The following RAB11FIP4 variants were observed in gnomAD, a reference collection of about 807,000 sequenced individuals.
RAB11FIP4 encodes RAB11 family interacting protein 4.
In RAB11FIP4, 23 loss-of-function variants were observed where a neutral mutation model predicts 74.3. The observed-to-expected ratio is 0.31, with a 90% confidence interval of 0.22 to 0.44. The LOEUF (loss-of-function observed/expected upper bound fraction) is 0.44. Ranked by LOEUF, RAB11FIP4 falls within the 20% of genes least tolerant of loss-of-function variation. The pLI, the probability that RAB11FIP4 is intolerant of heterozygous loss-of-function variation, is 1.00. For missense variants in RAB11FIP4, 630 were observed against 863.9 expected (o/e 0.73, Z 3.39); for synonymous variants, 360 against 359.9 (o/e 1.00, Z 0.00).
intron 3 of RAB11FIP4, among the ~76,000 whole-genome samples, chr17:31,453,520 G>T (rs1253413001): frequency 6.6e-6 from 1 of 151,992 alleles, no homozygotes; most frequent in Non-Finnish European, 1.5e-5. Flanking sequence ...CTAGATGGAG[G>T]TTGTAACTCG....
intron 4 of RAB11FIP4, chr17:31,518,861 T>A (rs1240451036): frequency 1.3e-5 from 2 of 152,444 alleles, no homozygotes; most frequent in Non-Finnish European, 2.9e-5. Flanking sequence ...TGAGACAGAC[T>A]CTCACTCTGT....
chr17:31,419,772 G>A (rs560439756), intron 1 of RAB11FIP4, among the ~76,000 whole-genome samples: 1 of 152,070 alleles, frequency 6.6e-6, no homozygotes, highest in East Asian at 1.9e-4. Flanking sequence ...GGATGGTCTC[G>A]ATCTCCTGAT....
intron 11 of RAB11FIP4, 117 bp from the exon 12 acceptor site, chr17:31,528,289 T>G (rs976708044): frequency 4.3e-6 from 5 of 1,174,646 alleles, no homozygotes; most frequent in Non-Finnish European, 5.9e-6. Context: ...CTAAGGGAGC[T>G]GGTTTCACTG....
intron 3 of RAB11FIP4, among the ~76,000 whole-genome samples, chr17:31,505,254 GT>G (rs979704753): frequency 2.7e-5 from 4 of 150,130 alleles, no homozygotes; most frequent in African/African-American, 9.8e-5. Context: ...CAAGTATCTA[GT>G]TTTTCATTAG....
intron 3 of RAB11FIP4, among the ~76,000 whole-genome samples, chr17:31,440,193 A>C (rs2071395069): frequency 6.6e-6 from 1 of 152,076 alleles, no homozygotes; most frequent in African/African-American, 2.4e-5. Context: ...CCTGGAGCTT[A>C]TTTTTGCTTT....
intron 3 of RAB11FIP4, chr17:31,465,511 T>TAA (rs11379284): frequency 0.22 from 29,285 of 132,392 alleles, 4,823 homozygotes; most frequent in African/African-American, 0.45. Context: ...GGCACCCTGT[T>TAA]AAAAAAAAAA....
At chr17:31,522,744 G>T (rs2072692243) in intron 7 of RAB11FIP4, 1 of 348,024 alleles carries the variant, frequency 2.9e-6, no homozygotes, top group Non-Finnish European at 5.3e-6. Context: ...AGAGACCCCG[G>T]GTTTCCTGCA....
intron 1 of RAB11FIP4, among the ~76,000 whole-genome samples, chr17:31,409,968 G>A (rs558307377): frequency 7.9e-5 from 12 of 152,278 alleles, no homozygotes; most frequent in Admixed American, 3.3e-4. Flanking sequence ...GTGTCTGAAC[G>A]GGTCAGAGGT....
At chr17:31,471,227 T>C (rs2071733581) in intron 3 of RAB11FIP4, among the ~76,000 whole-genome samples, 2 of 145,916 alleles carry the variant, frequency 1.4e-5, no homozygotes. Context: ...CATGCCCAGC[T>C]AATTTTTTTT....
intron 3 of RAB11FIP4, among the ~76,000 whole-genome samples, chr17:31,485,053 C>T (rs2071887858): frequency 6.6e-6 from 1 of 152,184 alleles, no homozygotes; most frequent in South Asian, 2.1e-4. Flanking sequence ...TGACTAGGAA[C>T]TGCCATTTAT....
chr17:31,438,106 A>G lies in RAB11FIP4; in HGVS notation c.336+3984A>G, dbSNP rs551741660. 2.6e-5 allele frequency among the ~76,000 whole-genome samples: 4 copies of G among 152,156 alleles called. No homozygotes were observed. The East Asian group carries it at 7.7e-4, about 29-fold the overall frequency. On this transcript the variant is annotated intron_variant, in intron 3 of 14. Coordinates refer to ENST00000621161, the MANE Select transcript of RAB11FIP4 (RefSeq NM_032932.6). The stretch of plus-strand genomic sequence containing the variant: ...CTCCCCAGGTTCCCTGGGTCCATGC[A>G]TGGGGTCCCTGGAATCGCCCTGGGA...
chr17:31,441,975 C>A (rs1297096951), intron 3 of RAB11FIP4, among the ~76,000 whole-genome samples: 1 of 151,644 alleles, frequency 6.6e-6, no homozygotes, highest in Non-Finnish European at 1.5e-5. Flanking sequence ...ATTTATATAC[C>A]AGTTTCTTAT....
chr17:31,415,566 G>A (rs1352025193), intron 1 of RAB11FIP4, among the ~76,000 whole-genome samples: 1 of 151,922 alleles, frequency 6.6e-6, no homozygotes, highest in African/African-American at 2.4e-5. Flanking sequence ...CCCCAAACAT[G>A]CCTGAAAGCA....
At chr17:31,501,191 CTT>C (rs200653351) in intron 3 of RAB11FIP4, among the ~76,000 whole-genome samples, 4 of 145,530 alleles carry the variant, frequency 2.7e-5, no homozygotes, top group South Asian at 2.2e-4. Context: ...GAGAATACAA[CTT>C]TTTTTTTTTT....
At chr17:31,418,557 G>A (rs528528047) in intron 1 of RAB11FIP4, among the ~76,000 whole-genome samples, 4 of 139,998 alleles carry the variant, frequency 2.9e-5, no homozygotes, top group Non-Finnish European at 6.0e-5. Flanking sequence ...TTGACTTCCC[G>A]GGCTCAGGTG....
chr17:31,406,976 AT>A (rs1347299327), intron 1 of RAB11FIP4, among the ~76,000 whole-genome samples: 1 of 143,500 alleles, frequency 7.0e-6, no homozygotes, highest in Non-Finnish European at 1.5e-5. Flanking sequence ...CATTTTGTTT[AT>A]AACCCCCAGT....
intron 1 of RAB11FIP4, among the ~76,000 whole-genome samples, chr17:31,429,215 A>G (rs992489389): frequency 6.6e-6 from 1 of 152,180 alleles, no homozygotes; most frequent in Non-Finnish European, 1.5e-5. Context: ...GCCCTTAGGG[A>G]GCTTACTTTG....
intron 1 of RAB11FIP4, among the ~76,000 whole-genome samples, chr17:31,396,006 A>AC (rs1390673521): frequency 1.3e-5 from 2 of 151,490 alleles, no homozygotes; most frequent in African/African-American, 2.4e-5. Flanking sequence ...ACATGGTGAG[A>AC]CCCCCCATCT....
intron 3 of RAB11FIP4, among the ~76,000 whole-genome samples, chr17:31,448,837 C>G (rs907409008): frequency 2.0e-5 from 3 of 152,128 alleles, no homozygotes; most frequent in African/African-American, 7.2e-5. Context: ...TTGAGTCAAA[C>G]GGGCTGAGTG....
Sources: allele counts gnomAD v4.1 joint callset (sites outside exome capture counted in the v4.1 genomes callset), GRCh38; gene constraint gnomAD v4.1.1; transcripts MANE v1.5; gene names NCBI Gene and HGNC (gene_info 2026-07-23, HGNC 2026-07-21).